Variants in ZFAND3 observed in about 807,000 individuals in gnomAD.
ZFAND3 encodes the protein AN1-type zinc finger protein 3.
Under a neutral mutation model 29.6 loss-of-function variants are expected in ZFAND3, and 10 were observed. The observed-to-expected ratio is 0.34, with a 90% CI of 0.21 to 0.57. The LOEUF (loss-of-function observed/expected upper bound fraction) is 0.57, where lower values mean the gene tolerates loss of function less well. ZFAND3 is among the 20% of genes least tolerant of loss of function. The probability of loss-of-function intolerance (pLI) is 0.86; values close to 1 mark genes in which losing one functional copy is unlikely to be tolerated. For synonymous variants in ZFAND3, 128 were observed against 112.6 expected (o/e 1.14, Z -0.87); for missense variants, 230 against 304.5 (o/e 0.76, Z 1.82).
chr6:37,839,765 C>T (rs571888782), intron 1 of ZFAND3, among the ~76,000 whole-genome samples: 5 of 149,120 alleles, frequency 3.4e-5, no homozygotes, highest in Admixed American at 1.3e-4. Flanking sequence ...CACCTGCCTC[C>T]GCCTCCCAAA....
At chr6:38,026,673 C>T (rs192907113) in intron 2 of ZFAND3, among the ~76,000 whole-genome samples, 8 of 152,028 alleles carry the variant, frequency 5.3e-5, no homozygotes, top group Non-Finnish European at 7.4e-5. Context: ...TCAGGCAGTC[C>T]GCCCACCTTG....
At chr6:37,896,554 C>CTTTCTTTCTTTCTTTCTTTCTTTCT (rs1554153843) in intron 1 of ZFAND3, among the ~76,000 whole-genome samples, 2,713 of 137,760 alleles carry the variant, frequency 0.02, 59 homozygotes, top group African/African-American at 0.038. Context: ...TTCTTTCTTT[C>CTTTCTTTCTTTCTTTCTTTCTTTCT]TTTCTTTCTT....
intron 1 of ZFAND3, among the ~76,000 whole-genome samples, chr6:37,906,866 A>G (rs1765418171): frequency 6.6e-6 from 1 of 151,840 alleles, no homozygotes; most frequent in Non-Finnish European, 1.5e-5. Flanking sequence ...CCCACTGTTT[A>G]ATTGGGTTGT....
At chr6:38,150,883 G>C (rs914090464) in intron 5 of ZFAND3, among the ~76,000 whole-genome samples, 2 of 152,212 alleles carry the variant, frequency 1.3e-5, no homozygotes, top group Non-Finnish European at 2.9e-5. Flanking sequence ...TTTAGGAATG[G>C]ATCTAGATTT....
At chr6:37,983,217 G>A (rs575557184) in intron 2 of ZFAND3, among the ~76,000 whole-genome samples, 20 of 151,862 alleles carry the variant, frequency 1.3e-4, no homozygotes, top group Non-Finnish European at 1.3e-4. Context: ...CATGTGTACC[G>A]TTTATAAACC....
intron 4 of ZFAND3, among the ~76,000 whole-genome samples, chr6:38,091,350 AAG>A (rs1024285439): frequency 1.3e-5 from 2 of 152,056 alleles, no homozygotes; most frequent in African/African-American, 2.4e-5. Flanking sequence ...ACCAAGGAGA[AAG>A]AGCCCTGAAC....
intron 5 of ZFAND3, among the ~76,000 whole-genome samples, chr6:38,144,201 A>ATAT (rs1554183967): frequency 4.1e-4 from 18 of 44,026 alleles, no homozygotes; most frequent in South Asian, 1.9e-3. Flanking sequence ...ATATATATAT[A>ATAT]TATATATATA....
chr6:38,073,767 G>A (rs1764501682), intron 3 of ZFAND3, among the ~76,000 whole-genome samples: 1 of 152,156 alleles, frequency 6.6e-6, no homozygotes. Context: ...TAGGATTCTA[G>A]GTGAGAGATT....
intron 2 of ZFAND3, among the ~76,000 whole-genome samples, chr6:38,008,768 T>A (rs901048615): frequency 6.6e-6 from 1 of 152,132 alleles, no homozygotes; most frequent in African/African-American, 2.4e-5. Flanking sequence ...AGTTTAAGCT[T>A]CTTGAGGACT....
At chr6:37,983,681 A>G (rs977705842) in intron 2 of ZFAND3, among the ~76,000 whole-genome samples, 1 of 149,918 alleles carries the variant, frequency 6.7e-6, no homozygotes, top group East Asian at 2.0e-4. Flanking sequence ...TATCTTTTAT[A>G]TGGTGTTTTT....
intron 1 of ZFAND3, among the ~76,000 whole-genome samples, chr6:37,924,845 G>A (rs112230706): frequency 2.7e-4 from 41 of 152,058 alleles, no homozygotes; most frequent in African/African-American, 9.4e-4. Flanking sequence ...AATAAATTGG[G>A]TTGTTGAGGG....
At chr6:37,854,964 G>GTTTTTTT (rs34283914) in intron 1 of ZFAND3, among the ~76,000 whole-genome samples, 4 of 78,980 alleles carry the variant, frequency 5.1e-5, no homozygotes, top group Non-Finnish European at 7.4e-5. Context: ...AATAATAGGT[G>GTTTTTTT]TTTTTTTTTT....
intron 4 of ZFAND3, among the ~76,000 whole-genome samples, chr6:38,095,567 C>G (rs1268050452): frequency 6.6e-6 from 1 of 152,264 alleles, no homozygotes; most frequent in East Asian, 1.9e-4. Context: ...TGTAAGCCCG[C>G]GGTGACATCC....
At chr6:37,880,865 G>A (rs890348223) in intron 1 of ZFAND3, among the ~76,000 whole-genome samples, 1 of 107,708 alleles carries the variant, frequency 9.3e-6, no homozygotes, top group African/African-American at 3.7e-5. Context: ...CTGTGGTGGG[G>A]TCGGGGGAGG....
At chr6:37,857,985 G>A (rs1439188908) in intron 1 of ZFAND3, among the ~76,000 whole-genome samples, 4 of 152,158 alleles carry the variant, frequency 2.6e-5, no homozygotes, top group African/African-American at 7.2e-5. Context: ...TTCACTCTGG[G>A]TCCTCTTCCT....
At chr6:38,141,681 G>A (rs1269632183) in intron 5 of ZFAND3, among the ~76,000 whole-genome samples, 1 of 152,206 alleles carries the variant, frequency 6.6e-6, no homozygotes, top group African/African-American at 2.4e-5. Context: ...TTTGTCGGCA[G>A]TGACTTCTCA....
chr6:38,100,855 C>T (rs942350371), intron 4 of ZFAND3, among the ~76,000 whole-genome samples: 10 of 152,084 alleles, frequency 6.6e-5, no homozygotes, highest in African/African-American at 2.4e-4. Flanking sequence ...TATCTCTCGC[C>T]CTCTTTGTGT....
chr6:37,921,073 T>C (rs1469102920), intron 1 of ZFAND3, among the ~76,000 whole-genome samples: 1 of 152,174 alleles, frequency 6.6e-6, no homozygotes, highest in Non-Finnish European at 1.5e-5. Flanking sequence ...TCCTTTCCTT[T>C]ACCACCCCAC....
At chr6:38,092,858 C>T (rs1561996154) in intron 4 of ZFAND3, among the ~76,000 whole-genome samples, 1 of 152,174 alleles carries the variant, frequency 6.6e-6, no homozygotes, top group Non-Finnish European at 1.5e-5. Flanking sequence ...CATTCTGGTA[C>T]TTCATGTATT....
Sources: gnomAD v4.1 joint callset for allele counts (sites outside exome capture counted in the v4.1 genomes callset) on GRCh38, gnomAD v4.1.1 for gene constraint, MANE v1.5 for transcripts, NCBI Gene and HGNC (gene_info 2026-07-23, HGNC 2026-07-21) for gene names.